The following DDC variants were observed in gnomAD, a reference collection of about 807,000 sequenced individuals.
The protein encoded by DDC is dopa decarboxylase, also known as aromatic-L-amino-acid decarboxylase.
DDC carries 43 observed loss-of-function variants against 60.0 expected under a neutral mutation model. The observed-to-expected ratio is 0.72, with a 90% confidence interval of 0.56 to 0.92. DDC has a LOEUF of 0.92. Ranked by LOEUF, DDC falls within the 40% of genes least tolerant of loss-of-function variation. The probability of loss-of-function intolerance (pLI) is 0.00; values close to 1 mark genes in which losing one functional copy is unlikely to be tolerated. For missense variants in DDC, 573 were observed against 620.2 expected, an observed-to-expected ratio of 0.92 and a Z score of 0.81; for synonymous variants, 232 against 234.6, an observed-to-expected ratio of 0.99 and a Z score of 0.10.
At chr7:50,563,796 C>A (rs751336695) in intron 1 of DDC, among the ~76,000 whole-genome samples, 10 of 152,146 alleles carry the variant, frequency 6.6e-5, no homozygotes, top group Non-Finnish European at 1.3e-4. Flanking sequence ...GAAATGAGGT[C>A]TCACCATGTT....
At chr7:50,486,875 C>T (rs2042890154) in intron 9 of DDC, among the ~76,000 whole-genome samples, 1 of 152,324 alleles carries the variant, frequency 6.6e-6, no homozygotes, top group East Asian at 1.9e-4. Context: ...GGTAACTACT[C>T]TAAGTTCATC....
intron 1 of DDC, among the ~76,000 whole-genome samples, chr7:50,547,644 C>T (rs2044850372): frequency 7.0e-6 from 1 of 143,616 alleles, no homozygotes; most frequent in African/African-American, 2.5e-5. Flanking sequence ...CAGTGGGAAG[C>T]ATTGGTGTAT....
chr7:50,505,612 C>T (rs1375827143), intron 6 of DDC, among the ~76,000 whole-genome samples: 1 of 152,220 alleles, frequency 6.6e-6, no homozygotes, highest in Non-Finnish European at 1.5e-5. Flanking sequence ...TGTTCATGCC[C>T]AGGTAGCACA....
At chr7:50,483,779 CTG>C (rs997555337) in intron 9 of DDC, among the ~76,000 whole-genome samples, 1 of 151,972 alleles carries the variant, frequency 6.6e-6, no homozygotes, top group Non-Finnish European at 1.5e-5. Flanking sequence ...CGGCGGGCAC[CTG>C]TAGTCCCAGC....
chr7:50,558,511 G>A (rs572671597), intron 1 of DDC, among the ~76,000 whole-genome samples: 1 of 152,158 alleles, frequency 6.6e-6, no homozygotes, highest in African/African-American at 2.4e-5. Context: ...GTTGAACTTT[G>A]GTTGCCACAT....
chr7:50,462,224 G>GAGAAAAAAAAAA (rs1421663780), intron 14 of DDC, among the ~76,000 whole-genome samples: 3 of 7,050 alleles, frequency 4.3e-4, no homozygotes, highest in African/African-American at 5.5e-4. Flanking sequence ...GGGACAAAAA[G>GAGAAAAAAAAAA]ACAAAAAAAA....
intron 4 of DDC, among the ~76,000 whole-genome samples, chr7:50,536,966 A>G (rs1458168576): frequency 1.3e-5 from 2 of 149,378 alleles, no homozygotes; most frequent in Admixed American, 1.3e-4. Flanking sequence ...ACTATCATCT[A>G]CTTGACATGA....
chr7:50,530,734 A>T (rs1434324290), intron 4 of DDC, among the ~76,000 whole-genome samples: 1 of 152,190 alleles, frequency 6.6e-6, no homozygotes, highest in Non-Finnish European at 1.5e-5. Flanking sequence ...GTCGTAGAAG[A>T]AACCCATCTA....
chr7:50,532,956 A>T (rs1240070296), intron 4 of DDC, among the ~76,000 whole-genome samples: 1 of 152,234 alleles, frequency 6.6e-6, no homozygotes, highest in African/African-American at 2.4e-5. Flanking sequence ...GTTGCACTTC[A>T]TCCTAAAGGG....
At chr7:50,469,980 A>AG (rs2042492296) in intron 12 of DDC, 93 bp downstream of exon 12, 2 of 401,104 alleles carry the variant, frequency 5.0e-6, no homozygotes, top group Admixed American at 1.1e-4. Context: ...ACTCTGTCTC[A>AG]AAAAAAAAAA....
chr7:50,507,432 A>AGGCTAGGCTG (rs2043430905), intron 6 of DDC, among the ~76,000 whole-genome samples: 1 of 152,114 alleles, frequency 6.6e-6, no homozygotes, highest in South Asian at 2.1e-4. Context: ...GGGTTTCACC[A>AGGCTAGGCTG]TGTTGGCTAG....
chr7:50,527,766 C>G, intron 6 of DDC: 1 of 255,782 alleles, frequency 3.9e-6, no homozygotes, highest in Non-Finnish European at 7.7e-6. Context: ...CTTTTTGCAT[C>G]CTTCAAAATG....
chr7:50,485,200 T>A (rs11575441), intron 9 of DDC, among the ~76,000 whole-genome samples: 4,590 of 152,240 alleles, frequency 0.03, 117 homozygotes, highest in African/African-American at 0.07. Flanking sequence ...GGAATTTGAG[T>A]CTTTCTTTGG....
At chr7:50,557,588 G>A (rs950494088) in intron 1 of DDC, among the ~76,000 whole-genome samples, 3 of 152,030 alleles carry the variant, frequency 2.0e-5, no homozygotes, top group Non-Finnish European at 2.9e-5. Context: ...TTAACATAAC[G>A]CTCCTATTTG....
At chr7:50,487,119 T>A (rs2042902144) in intron 9 of DDC, among the ~76,000 whole-genome samples, 1 of 152,240 alleles carries the variant, frequency 6.6e-6, no homozygotes, top group Non-Finnish European at 1.5e-5. Flanking sequence ...TATGTTCAGA[T>A]ATGTCATGTG....
chr7:50,528,533 G>A (rs931839914), intron 5 of DDC, among the ~76,000 whole-genome samples: 3 of 152,116 alleles, frequency 2.0e-5, no homozygotes, highest in Admixed American at 1.3e-4. Flanking sequence ...GTAAAGTGCT[G>A]GGTCAATATT....
intron 9 of DDC, among the ~76,000 whole-genome samples, chr7:50,483,960 T>C (rs1238158025): frequency 1.3e-5 from 2 of 152,186 alleles, no homozygotes; most frequent in Non-Finnish European, 2.9e-5. Context: ...ATTTTACTAT[T>C]GACATGTTGT....
At chr7:50,502,751 AGCAAT>A (rs2043290802) in intron 7 of DDC, among the ~76,000 whole-genome samples, 1 of 152,270 alleles carries the variant, frequency 6.6e-6, no homozygotes, top group Non-Finnish European at 1.5e-5. Context: ...CTTGCTGTGC[AGCAAT>A]GCACTCTACC....
chr7:50,472,834 A>C (rs1314234435), intron 11 of DDC, among the ~76,000 whole-genome samples: 1 of 152,118 alleles, frequency 6.6e-6, no homozygotes, highest in Non-Finnish European at 1.5e-5. Flanking sequence ...GGGTCTGCTC[A>C]TCCTTTTCAC....
Sources: gnomAD v4.1 joint callset for allele counts (sites outside exome capture counted in the v4.1 genomes callset) on GRCh38, gnomAD v4.1.1 for gene constraint, MANE v1.5 for transcripts, NCBI Gene and HGNC (gene_info 2026-07-23, HGNC 2026-07-21) for gene names.